The following ATRNL1 variants were observed in gnomAD, a reference collection of about 807,000 sequenced individuals.
ATRNL1 encodes attractin like 1, also known as attractin-like protein 1.
In ATRNL1, 95 loss-of-function variants were observed where a neutral mutation model predicts 182.7. The ratio of observed to expected loss-of-function variants is 0.52; its 90% confidence interval spans 0.44 to 0.62. The LOEUF (loss-of-function observed/expected upper bound fraction) is 0.62. ATRNL1 is among the 20% of genes least tolerant of loss of function. ATRNL1 has a pLI of 0.00. For missense variants in ATRNL1, 1,471 were observed against 1,679.5 expected, an observed-to-expected ratio of 0.88 and a Z score of 2.17; for synonymous variants, 576 against 568.3, an observed-to-expected ratio of 1.01 and a Z score of -0.19.
At chr10:115,516,291 G>A (rs1268470677) in intron 24 of ATRNL1, among the ~76,000 whole-genome samples, 1 of 151,746 alleles carries the variant, frequency 6.6e-6, no homozygotes, top group East Asian at 1.9e-4. Flanking sequence ...AGTCATGACT[G>A]ATTCTTCTCC....
chr10:115,459,511 A>G (rs565649081), intron 21 of ATRNL1, among the ~76,000 whole-genome samples: 2 of 152,138 alleles, frequency 1.3e-5, no homozygotes, highest in Non-Finnish European at 2.9e-5. Flanking sequence ...CCAGTCTCCC[A>G]TAGCGCTCCC....
intron 21 of ATRNL1, among the ~76,000 whole-genome samples, chr10:115,433,850 A>G (rs1032606681): frequency 1.3e-5 from 2 of 152,168 alleles, no homozygotes. Flanking sequence ...GACTCACTGT[A>G]AAAAATAATA....
intron 8 of ATRNL1, among the ~76,000 whole-genome samples, chr10:115,187,707 T>A (rs983901839): frequency 6.7e-6 from 1 of 149,262 alleles, no homozygotes; most frequent in Non-Finnish European, 1.5e-5. Context: ...TCTTTTTTTT[T>A]TTGAGATGGA....
In ATRNL1 at chr10:115,901,746, A is replaced by G. The variant is rs1474176776; in HGVS notation, c.4019-42912A>G. Among the ~76,000 whole-genome samples, 3 of 116,312 alleles carry G rather than the reference A, an allele frequency of 2.6e-5. No individual in the cohort carries two copies. The African/African-American group carries it at 2.9e-4, about 11-fold the overall frequency. 76.3% of individuals were successfully genotyped at this position (116,312 alleles called of 152,430 possible). A position where few individuals can be genotyped will look rare whatever the true frequency, so the allele number is the denominator to read the frequency against. On this transcript the variant is annotated intron_variant, in intron 28 of 28. Coordinates refer to ENST00000355044, the MANE Select transcript of ATRNL1 (RefSeq NM_207303.4). ...CAGAGAGGAACAGAACTGAGAAGAA[A>G]AAAAAAAAAAAAAAAAAAGCTTTGC...
At chr10:115,743,687 T>G (rs1948206907) in intron 27 of ATRNL1, among the ~76,000 whole-genome samples, 1 of 152,184 alleles carries the variant, frequency 6.6e-6, no homozygotes. Flanking sequence ...TTGCTTTATT[T>G]ATTGATTATT....
At chr10:115,937,149 A>G (rs1393258311) in intron 28 of ATRNL1, among the ~76,000 whole-genome samples, 1 of 152,206 alleles carries the variant, frequency 6.6e-6, no homozygotes, top group Non-Finnish European at 1.5e-5. Flanking sequence ...GGGAGTGCTC[A>G]GCTATGTTAT....
intron 26 of ATRNL1, among the ~76,000 whole-genome samples, chr10:115,590,202 G>A (rs1855818393): frequency 6.6e-6 from 1 of 152,178 alleles, no homozygotes; most frequent in Non-Finnish European, 1.5e-5. Flanking sequence ...TTCAGATAGA[G>A]ATGCAGAGAC....
intron 27 of ATRNL1, among the ~76,000 whole-genome samples, chr10:115,828,853 A>T (rs1589568891): frequency 1.3e-5 from 2 of 152,192 alleles, no homozygotes; most frequent in African/African-American, 4.8e-5. Flanking sequence ...GAGTCTCCTA[A>T]TAAATTTAAA....
At chr10:115,152,258 A>G (rs187234090) in intron 5 of ATRNL1, among the ~76,000 whole-genome samples, 2,781 of 152,232 alleles carry the variant, frequency 0.018, 99 homozygotes, top group African/African-American at 0.064. Flanking sequence ...GAAGAAAGTC[A>G]TTGGTAGCTT....
chr10:115,124,307 C>T (rs1050793734), intron 3 of ATRNL1, among the ~76,000 whole-genome samples: 1 of 151,998 alleles, frequency 6.6e-6, no homozygotes. Context: ...TATCATAGAA[C>T]TCAGGAAAGT....
rs1565133228 is a variant in ATRNL1, at chr10:115,527,987, TCCCTCCCTC to T, written c.3716+8666_3716+8674del. Among the ~76,000 whole-genome samples, 39 of 22,396 alleles carry T rather than the reference TCCCTCCCTC, an allele frequency of 1.7e-3. 1 individual carries two copies. Among genetic ancestry groups the T allele is most frequent in the African/African-American group, 8.6e-3 (36 of 4,182 alleles). 14.7% of individuals were successfully genotyped at this position (22,396 alleles called of 152,430 possible). A position where few individuals can be genotyped will look rare whatever the true frequency, so the allele number is the denominator to read the frequency against. ...CTCCCTCCCTCCTTCCCTCCCTCCC[TCCCTCCCTC>T]CCTTCCTTCCTTCCTTCCTTCCTTC... is the stretch of plus-strand genomic sequence containing the variant. On this transcript the variant is annotated intron_variant, in intron 25 of 28. Coordinates refer to ENST00000355044, the MANE Select transcript of ATRNL1 (RefSeq NM_207303.4).
chr10:115,300,446 G>T (rs1461031909), intron 16 of ATRNL1, among the ~76,000 whole-genome samples, 199 bp downstream of exon 16: 6 of 152,116 alleles, frequency 3.9e-5, no homozygotes, highest in Non-Finnish European at 5.9e-5. Context: ...TGCAAACTTT[G>T]TTGGTTCAAA....
chr10:115,661,655 C>T (rs1377826773), intron 26 of ATRNL1, among the ~76,000 whole-genome samples: 1 of 151,970 alleles, frequency 6.6e-6, no homozygotes, highest in Non-Finnish European at 1.5e-5. Flanking sequence ...GGCTATATAC[C>T]AGCCACGTGA....
chr10:115,853,294 A>T (rs1951099336), intron 28 of ATRNL1, among the ~76,000 whole-genome samples: 1 of 152,224 alleles, frequency 6.6e-6, no homozygotes, highest in African/African-American at 2.4e-5. Context: ...ACATTTAAAA[A>T]AATCTTAAAA....
intron 24 of ATRNL1, among the ~76,000 whole-genome samples, chr10:115,485,095 C>T (rs1554974901): frequency 6.6e-6 from 1 of 151,826 alleles, no homozygotes; most frequent in Non-Finnish European, 1.5e-5. Context: ...ATATTGATAA[C>T]TTTTTTCCTG....
At chr10:115,839,006 C>T (rs1555096364) in intron 27 of ATRNL1, among the ~76,000 whole-genome samples, 2 of 152,092 alleles carry the variant, frequency 1.3e-5, no homozygotes, top group African/African-American at 2.4e-5. Flanking sequence ...ATAATAATTA[C>T]AGTAGAAAGT....
At chr10:115,103,735 C>G (rs1157669222) in intron 1 of ATRNL1, among the ~76,000 whole-genome samples, 1 of 152,184 alleles carries the variant, frequency 6.6e-6, no homozygotes, top group African/African-American at 2.4e-5. Flanking sequence ...TCTACTCTGT[C>G]TCCATGAATT....
At chr10:115,318,458 G>A (rs987838104) in intron 18 of ATRNL1, among the ~76,000 whole-genome samples, 6 of 152,256 alleles carry the variant, frequency 3.9e-5, no homozygotes, top group Admixed American at 2.0e-4. Flanking sequence ...GTTTCAGCAG[G>A]AATGGTATTA....
intron 27 of ATRNL1, among the ~76,000 whole-genome samples, chr10:115,777,807 G>A (rs782704114): frequency 8.5e-5 from 13 of 152,202 alleles, no homozygotes; most frequent in East Asian, 3.9e-4. Context: ...GGAACAATGC[G>A]TGAGTTAAAA....
Sources: gnomAD v4.1 joint callset for allele counts (sites outside exome capture counted in the v4.1 genomes callset) on GRCh38, gnomAD v4.1.1 for gene constraint, MANE v1.5 for transcripts, NCBI Gene and HGNC (gene_info 2026-07-23, HGNC 2026-07-21) for gene names.